MGAT4C: variants seen among roughly 807,000 people sequenced by gnomAD.
MGAT4C encodes the protein MGAT4 family member C.
MGAT4C carries 19 observed loss-of-function variants against 40.1 expected under a neutral mutation model. That is an observed-to-expected ratio of 0.47 (90% CI 0.33 to 0.70). The LOEUF (loss-of-function observed/expected upper bound fraction) is 0.70, where lower values mean the gene tolerates loss of function less well. Ranked by LOEUF, MGAT4C falls within the 30% of genes least tolerant of loss-of-function variation. The pLI, the probability that MGAT4C is intolerant of heterozygous loss-of-function variation, is 0.02. For synonymous variants in MGAT4C, 181 were observed against 187.1 expected, an observed-to-expected ratio of 0.97 and a Z score of 0.27; for missense variants, 491 against 563.2, an observed-to-expected ratio of 0.87 and a Z score of 1.30.
chr12:86,288,143 G>A (rs916208152), intron 4 of MGAT4C, among the ~76,000 whole-genome samples: 6 of 152,238 alleles, frequency 3.9e-5, no homozygotes, highest in Admixed American at 2.6e-4. Context: ...CTGCATAAAT[G>A]TCTTCTTTTG....
chr12:86,174,542 C>A (rs1887195728), intron 1 of MGAT4C, among the ~76,000 whole-genome samples: 1 of 151,982 alleles, frequency 6.6e-6, no homozygotes, highest in African/African-American at 2.4e-5. Flanking sequence ...TGACTTGTGC[C>A]CCTCTTCCTA....
intron 2 of MGAT4C, among the ~76,000 whole-genome samples, chr12:86,461,470 C>T (rs1268532375): frequency 1.3e-5 from 2 of 152,080 alleles, no homozygotes; most frequent in Non-Finnish European, 2.9e-5. Context: ...TGGTCTCGAT[C>T]TCCTGACCTC....
chr12:86,503,199 CA>C (rs1958396082), intron 2 of MGAT4C, among the ~76,000 whole-genome samples: 1 of 15,412 alleles, frequency 6.5e-5, no homozygotes, highest in Non-Finnish European at 1.0e-4. Context: ...GAGTTCTGCT[CA>C]TATATATATA....
chr12:86,085,364 G>A (rs1350345369), intron 1 of MGAT4C, among the ~76,000 whole-genome samples: 2 of 151,784 alleles, frequency 1.3e-5, no homozygotes, highest in African/African-American at 2.4e-5. Context: ...TTAATCCATC[G>A]TAAGTTAATT....
chr12:86,609,324 A>T (rs1962163598), intron 2 of MGAT4C, among the ~76,000 whole-genome samples: 1 of 152,144 alleles, frequency 6.6e-6, no homozygotes. Context: ...TTGTCAATGA[A>T]GTTGACTTTC....
intron 2 of MGAT4C, among the ~76,000 whole-genome samples, chr12:86,624,061 G>T (rs1385350585): frequency 6.6e-6 from 1 of 152,082 alleles, no homozygotes; most frequent in African/African-American, 2.4e-5. Flanking sequence ...AGCTCACTCA[G>T]GGTAAACACC....
intron 1 of MGAT4C, among the ~76,000 whole-genome samples, chr12:86,081,503 A>G (rs183465306): frequency 6.6e-6 from 1 of 152,188 alleles, no homozygotes; most frequent in African/African-American, 2.4e-5. Context: ...CAAATTCACC[A>G]TGAATCCACT....
intron 2 of MGAT4C, among the ~76,000 whole-genome samples, chr12:86,617,552 G>A (rs1230634804): frequency 2.0e-5 from 3 of 152,174 alleles, no homozygotes; most frequent in African/African-American, 4.8e-5. Context: ...GCCAGGCGTG[G>A]TGGCAGATGC....
At chr12:86,183,297 GA>G (rs1304935387) in intron 1 of MGAT4C, among the ~76,000 whole-genome samples, 1 of 151,910 alleles carries the variant, frequency 6.6e-6, no homozygotes, top group Non-Finnish European at 1.5e-5. Context: ...AAACTATTTA[GA>G]AAAAAATACA....
intron 4 of MGAT4C, among the ~76,000 whole-genome samples, chr12:86,279,110 T>C (rs182186253): frequency 6.8e-4 from 104 of 152,264 alleles, no homozygotes; most frequent in African/African-American, 2.5e-3. Context: ...TTATTTCTTT[T>C]CTTTTCTATT....
intron 3 of MGAT4C, among the ~76,000 whole-genome samples, chr12:86,398,815 G>C (rs1267240636): frequency 2.0e-5 from 3 of 151,902 alleles, no homozygotes; most frequent in Non-Finnish European, 4.4e-5. Flanking sequence ...TTTGATTGTA[G>C]GTCAGAGACT....
chr12:86,335,245 G>T lies in MGAT4C; in HGVS notation c.-119-1118C>A, dbSNP rs77740691. 0.02 allele frequency among the ~76,000 whole-genome samples: 3,010 copies of T among 151,958 alleles called. 219 individuals carry two copies. The East Asian group carries it at 0.24, about 12-fold the overall frequency. ...TAGGCCCCTAACCTCTTTTTACTTA[G>T]AACATTTATTTCAGAACACTTGTTA... On this transcript the variant is annotated intron_variant, in intron 3 of 7. Transcript: ENST00000548651.
intron 1 of MGAT4C, among the ~76,000 whole-genome samples, chr12:86,125,232 T>C (rs186455900): frequency 2.5e-4 from 38 of 152,320 alleles, no homozygotes; most frequent in African/African-American, 8.7e-4. Context: ...ACATCAGCTA[T>C]TGGAGATCAT....
chr12:86,630,898 G>T (rs1486193531), intron 2 of MGAT4C, among the ~76,000 whole-genome samples: 1 of 152,148 alleles, frequency 6.6e-6, no homozygotes, highest in African/African-American at 2.4e-5. Context: ...TGGAAGTTCA[G>T]GCCGGGGCAA....
intron 3 of MGAT4C, among the ~76,000 whole-genome samples, chr12:85,985,934 T>C (rs374544511): frequency 6.6e-6 from 1 of 152,348 alleles, no homozygotes; most frequent in Non-Finnish European, 1.5e-5. Context: ...ATTCTATTCT[T>C]AGGTGATGTT....
chr12:86,418,746 T>C (rs987159189), intron 3 of MGAT4C, among the ~76,000 whole-genome samples: 8 of 151,748 alleles, frequency 5.3e-5, no homozygotes, highest in African/African-American at 1.9e-4. Context: ...GGAGTACCAA[T>C]AAGGAGAAAC....
At chr12:86,039,011 A>C (rs189926953) in intron 2 of MGAT4C, among the ~76,000 whole-genome samples, 1 of 149,834 alleles carries the variant, frequency 6.7e-6, no homozygotes, top group African/African-American at 2.4e-5. Flanking sequence ...GGGAGGATAT[A>C]AAATTCTGTG....
intron 2 of MGAT4C, among the ~76,000 whole-genome samples, chr12:86,541,807 C>T (rs188992499): frequency 1.6e-4 from 25 of 152,286 alleles, no homozygotes; most frequent in Admixed American, 1.2e-3. Flanking sequence ...TCACTCCCAC[C>T]TTAAGCTTCA....
intron 2 of MGAT4C, among the ~76,000 whole-genome samples, chr12:86,568,972 C>G (rs73175243): frequency 6.6e-6 from 1 of 151,610 alleles, no homozygotes; most frequent in Non-Finnish European, 1.5e-5. Context: ...ACTAAAAAGG[C>G]GCTTCCATTT....
Sources: allele counts gnomAD v4.1 joint callset (sites outside exome capture counted in the v4.1 genomes callset), GRCh38; gene constraint gnomAD v4.1.1; transcripts MANE v1.5; gene names NCBI Gene and HGNC (gene_info 2026-07-23, HGNC 2026-07-21).